The following CLIP1 variants were observed in gnomAD, a reference collection of about 807,000 sequenced individuals.
CLIP1 encodes the protein CAP-Gly domain-containing linker protein 1.
Under a neutral mutation model 161.6 loss-of-function variants are expected in CLIP1, and 66 were observed. The observed-to-expected ratio is 0.41, with a 90% confidence interval of 0.33 to 0.50. The LOEUF (loss-of-function observed/expected upper bound fraction) is 0.50. Among genes scored for constraint, CLIP1 ranks in the 20% least tolerant of loss-of-function variants. The pLI is 0.27. For missense variants in CLIP1, 1,376 were observed against 1,702.0 expected, an observed-to-expected ratio of 0.81 and a Z score of 3.37; for synonymous variants, 598 against 626.2, an observed-to-expected ratio of 0.96 and a Z score of 0.67.
intron 20 of CLIP1, among the ~76,000 whole-genome samples, chr12:122,300,325 A>G (rs1950634265): frequency 6.6e-6 from 1 of 152,172 alleles, no homozygotes; most frequent in Non-Finnish European, 1.5e-5. Context: ...AGACATCTCC[A>G]TATATATACA....
At chr12:122,378,543 G>T (rs1275333118) in intron 2 of CLIP1, among the ~76,000 whole-genome samples, 1 of 151,984 alleles carries the variant, frequency 6.6e-6, no homozygotes, top group Non-Finnish European at 1.5e-5. Context: ...GTCAAAGTAA[G>T]AAAAAAATAA....
At position 122,354,756 on chromosome 12, in the gene CLIP1, G is replaced by C. The variant is rs553974986; in HGVS notation, c.1204-200C>G. 9 of 582,284 alleles carry C rather than the reference G, an allele frequency of 1.5e-5. No homozygotes were observed. The South Asian group carries it at 1.9e-4, about 12-fold the overall frequency. 36.1% of individuals were successfully genotyped at this position (582,284 alleles called of 1,614,324 possible). A position where few individuals can be genotyped will look rare whatever the true frequency, so the allele number is the denominator to read the frequency against. On this transcript the variant is annotated intron_variant, in intron 6 of 25. Coordinates refer to ENST00000620786, the MANE Select transcript of CLIP1 (RefSeq NM_001247997.2). ...GATGATGAAAGTGATAAAGAACAAT[G>C]TTAAAACACCTCTCATCTTTTTTGA... is the stretch of plus-strand genomic sequence containing the variant.
intron 3 of CLIP1, among the ~76,000 whole-genome samples, chr12:122,367,747 A>T (rs913804594): frequency 6.6e-6 from 1 of 152,190 alleles, no homozygotes; most frequent in African/African-American, 2.4e-5. Flanking sequence ...GGCCAGGTGC[A>T]GTGGCTCATG....
intron 1 of CLIP1, among the ~76,000 whole-genome samples, chr12:122,416,697 T>C (rs999578161): frequency 4.6e-5 from 7 of 151,682 alleles, no homozygotes; most frequent in Non-Finnish European, 8.8e-5. Context: ...GGTCAGGAGT[T>C]CAAGAGCAGC....
At chr12:122,315,931 G>A (rs1384113110) in intron 19 of CLIP1, among the ~76,000 whole-genome samples, 2 of 151,260 alleles carry the variant, frequency 1.3e-5, no homozygotes, top group East Asian at 2.0e-4. Context: ...ATGAACCACC[G>A]TGCCTGGTCT....
intron 4 of CLIP1, 30 bp downstream of exon 4, chr12:122,363,953 A>G: frequency 6.2e-7 from 1 of 1,613,920 alleles, no homozygotes; most frequent in East Asian, 2.2e-5. Flanking sequence ...TACAAGAGTG[A>G]CACAAGATGT....
intron 1 of CLIP1, among the ~76,000 whole-genome samples, chr12:122,394,917 T>C (rs1955850148): frequency 6.6e-6 from 1 of 152,168 alleles, no homozygotes; most frequent in African/African-American, 2.4e-5. Context: ...ACTAGCTTTC[T>C]GAATATCTGT....
At position 122,356,641 on chromosome 12, in the gene CLIP1, C is replaced by A. The variant is rs1022088120; in HGVS notation, c.1006-1329G>T. On this transcript the variant is annotated intron_variant, in intron 5 of 25. Transcript: ENST00000620786. Reference sequence around the variant, plus strand: ...CTCCCTCTCTCCCTCTCCCTCTCCCCACGGTCTCCCTCTCCCTCTCTTTCC... The same window carrying A: ...CTCCCTCTCTCCCTCTCCCTCTCCCAACGGTCTCCCTCTCCCTCTCTTTCC... Among the ~76,000 whole-genome samples the A allele has an allele frequency of 1.8e-4, 27 of 151,996 alleles. 1 individual carries two copies. The highest frequency in any genetic ancestry group is 3.7e-4 in the Non-Finnish European group (25 of 67,948).
At position 122,327,877 on chromosome 12, in the gene CLIP1, A is replaced by C; in HGVS notation, c.3249+70T>G. ...TTTTCCCACTGGCTGCTGCTTTCTA[A>C]GCACCCTTCCTGCCTCGACACAGAG... On this transcript the variant is annotated intron_variant, in intron 17 of 25. Transcript: ENST00000620786. The C allele has an allele frequency of 2.1e-6, 3 of 1,458,414 alleles. No homozygotes were observed. The Admixed American group carries it at 5.2e-5, about 25-fold the overall frequency. The allele number at this position is 1,458,414 out of a possible 1,614,324, so 90.3% of individuals were successfully genotyped here.
At chr12:122,313,581 C>A in intron 19 of CLIP1, among the ~76,000 whole-genome samples, 1 of 151,868 alleles carries the variant, frequency 6.6e-6, no homozygotes, top group East Asian at 1.9e-4. Context: ...ACAAAATTAG[C>A]TGGGCACGGT....
rs1329760020 is a variant in CLIP1, at chr12:122,334,641, G to C, written c.2626+7C>G. The C allele has an allele frequency of 1.3e-6, 2 of 1,572,416 alleles. No homozygotes were observed. Among genetic ancestry groups the C allele is most frequent in the Non-Finnish European group, 1.7e-6 (2 of 1,153,062 alleles). On this transcript the variant is annotated splice_region_variant and intron_variant, in intron 13 of 25. Transcript: ENST00000620786. ...AAGCAATCTGCACACGCTCTGGTAA[G>C]ACATACCTTGCATACTTCTCTGAAC...
At chr12:122,319,170 CCAAA>C (rs1352522722) in intron 18 of CLIP1, 58 bp downstream of exon 18, 1 of 1,157,662 alleles carries the variant, frequency 8.6e-7, no homozygotes, top group Non-Finnish European at 1.3e-6. Context: ...GAGTCAGTGA[CCAAA>C]CATTCTACCA....
intron 20 of CLIP1, among the ~76,000 whole-genome samples, chr12:122,303,711 C>T (rs1950770798): frequency 6.6e-6 from 1 of 152,150 alleles, no homozygotes; most frequent in Admixed American, 6.5e-5. Context: ...CTTCTGCTAC[C>T]TTCCCTTCCT....
In CLIP1 at chr12:122,378,221, G is replaced by C. The variant is rs115517344; in HGVS notation, c.86-261C>G. Reference sequence around the variant, plus strand: ...CCTCCTTCAGCCTCCTGAGTAGCTAGGATTACAGATGTGCACCACCATATC... The same window carrying C: ...CCTCCTTCAGCCTCCTGAGTAGCTACGATTACAGATGTGCACCACCATATC... On this transcript the variant is annotated intron_variant, in intron 2 of 25. Coordinates refer to ENST00000620786, the MANE Select transcript of CLIP1 (RefSeq NM_001247997.2). 3.3e-3 allele frequency among the ~76,000 whole-genome samples: 500 copies of C among 152,230 alleles called. 4 individuals carry two copies. Among genetic ancestry groups the C allele is most frequent in the African/African-American group, 0.012 (479 of 41,536 alleles).
chr12:122,339,516 T>C lies in CLIP1; in HGVS notation c.2451+1237A>G, dbSNP rs527604285. On this transcript the variant is annotated intron_variant, in intron 11 of 25. Transcript: ENST00000620786. ...CCACACCTGGCTAATTTTTGTATTT[T>C]TAGTAGACAGGGGCCAGGCTGGACT... 3.3e-5 allele frequency among the ~76,000 whole-genome samples: 5 copies of C among 152,214 alleles called. No homozygotes were observed. In the East Asian group the frequency reaches 9.6e-4, roughly 29 times the overall value.
chr12:122,392,633 A>G (rs1322342376), intron 1 of CLIP1, among the ~76,000 whole-genome samples: 2 of 151,770 alleles, frequency 1.3e-5, no homozygotes, highest in Non-Finnish European at 2.9e-5. Context: ...CTCGAGAATC[A>G]CTCCCACTCT....
chr12:122,357,951 A>T (rs1402475719), intron 5 of CLIP1, among the ~76,000 whole-genome samples: 1 of 152,102 alleles, frequency 6.6e-6, no homozygotes, highest in African/African-American at 2.4e-5. Context: ...CCAACAGCTC[A>T]TTGAGAACGG....
intron 3 of CLIP1, among the ~76,000 whole-genome samples, chr12:122,377,078 C>T (rs370427159): frequency 2.7e-5 from 4 of 150,874 alleles, no homozygotes; most frequent in East Asian, 3.9e-4. Context: ...GGCGCAATCT[C>T]GGCTCACTGC....
intron 18 of CLIP1, 101 bp from the exon 19 acceptor site, chr12:122,316,956 A>G (rs1480959904): frequency 2.7e-6 from 2 of 744,646 alleles, no homozygotes; most frequent in Non-Finnish European, 4.2e-6. Flanking sequence ...AGACAGATGA[A>G]ATTAGTCACT....
Sources: allele counts gnomAD v4.1 joint callset (sites outside exome capture counted in the v4.1 genomes callset), GRCh38; gene constraint gnomAD v4.1.1; transcripts MANE v1.5; gene names NCBI Gene and HGNC (gene_info 2026-07-23, HGNC 2026-07-21).